HNRNPC: variants seen among roughly 807,000 people sequenced by gnomAD.
The protein encoded by HNRNPC is heterogeneous nuclear ribonucleoproteins C1/C2.
A neutral mutation model predicts 33.2 loss-of-function variants in HNRNPC; 3 were observed. The observed-to-expected ratio is 0.09, with a 90% CI of 0.04 to 0.23. The LOEUF is 0.23. Among genes scored for constraint, HNRNPC ranks in the 10% least tolerant of loss-of-function variants. The probability of loss-of-function intolerance (pLI) is 1.00; values close to 1 mark genes in which losing one functional copy is unlikely to be tolerated. For missense variants in HNRNPC, 143 were observed against 366.7 expected (o/e 0.39, Z 4.98); for synonymous variants, 121 against 126.7 (o/e 0.96, Z 0.30).
intron 2 of HNRNPC, among the ~76,000 whole-genome samples, chr14:21,246,010 T>G (rs1276337523): frequency 2.6e-5 from 4 of 152,028 alleles, no homozygotes; most frequent in Admixed American, 2.0e-4. Flanking sequence ...CACGCCTGAC[T>G]ACGGGGTTTG....
chr14:21,230,432 G>T, intron 4 of HNRNPC, 66 bp from the exon 5 acceptor site: 1 of 1,168,266 alleles, frequency 8.6e-7, no homozygotes, highest in Non-Finnish European at 1.3e-6. Flanking sequence ...TGTCAGGTGA[G>T]GGGAGAACCA....
chr14:21,250,542 A>T (rs909679796), intron 2 of HNRNPC, among the ~76,000 whole-genome samples: 2 of 152,224 alleles, frequency 1.3e-5, no homozygotes, highest in African/African-American at 2.4e-5. Flanking sequence ...TATGATCTGC[A>T]TTAAGAGTTC....
At position 21,253,312 on chromosome 14, in the gene HNRNPC, TA is replaced by T. The variant is rs369876564; in HGVS notation, c.-37+9998del. 8.5e-3 allele frequency among the ~76,000 whole-genome samples: 1,136 copies of T among 132,982 alleles called. 3 individuals are homozygous for T. Among genetic ancestry groups the T allele is most frequent in the African/African-American group, 0.02 (705 of 35,552 alleles). The allele number at this position is 132,982 out of a possible 152,430, so 87.2% of individuals were successfully genotyped here. On this transcript the variant is annotated intron_variant, in intron 2 of 8. Coordinates refer to ENST00000553300, the MANE Select transcript of HNRNPC (RefSeq NM_004500.4). The stretch of plus-strand genomic sequence containing the variant: ...CAATATGGTGAAACCCCATCTCTAC[TA>T]AAAAAAAAAAAAAATACAAAAAATT...
intron 2 of HNRNPC, among the ~76,000 whole-genome samples, chr14:21,236,158 C>A (rs1246521219): frequency 6.6e-6 from 1 of 152,056 alleles, no homozygotes; most frequent in African/African-American, 2.4e-5. Context: ...GGCCTTAATT[C>A]TCTCAAAGAT....
At chr14:21,255,456 T>C (rs1203245430) in intron 2 of HNRNPC, among the ~76,000 whole-genome samples, 1 of 152,244 alleles carries the variant, frequency 6.6e-6, no homozygotes, top group Admixed American at 6.5e-5. Context: ...TCCCAAATGT[T>C]GATACAGGCA....
At chr14:21,254,187 T>C (rs1594313598) in intron 2 of HNRNPC, among the ~76,000 whole-genome samples, 1 of 152,274 alleles carries the variant, frequency 6.6e-6, no homozygotes, top group East Asian at 1.9e-4. Context: ...ACTGTAGTTT[T>C]GACTGTCCAA....
At chr14:21,242,477 C>T (rs1895470356) in intron 2 of HNRNPC, among the ~76,000 whole-genome samples, 1 of 152,282 alleles carries the variant, frequency 6.6e-6, no homozygotes, top group South Asian at 2.1e-4. Context: ...GTGCAAGACT[C>T]CGTCTCAAAA....
intron 3 of HNRNPC, among the ~76,000 whole-genome samples, chr14:21,232,010 G>A (rs1408233230): frequency 6.6e-6 from 1 of 152,018 alleles, no homozygotes; most frequent in Non-Finnish European, 1.5e-5. Context: ...AAATATCCTG[G>A]GTTAACGACT....
At chr14:21,238,710 TTTC>T (rs1197916433) in intron 2 of HNRNPC, among the ~76,000 whole-genome samples, 3 of 152,108 alleles carry the variant, frequency 2.0e-5, no homozygotes, top group African/African-American at 7.2e-5. Context: ...GTCTAGAATT[TTTC>T]TTTTTTTAAT....
chr14:21,260,063 A>C (rs1242926150), intron 2 of HNRNPC, among the ~76,000 whole-genome samples: 1 of 127,648 alleles, frequency 7.8e-6, no homozygotes, highest in Non-Finnish European at 1.6e-5. Context: ...AGCCGGGCGT[A>C]GTGGCGGGCG....
chr14:21,212,818 C>T (rs1009310497), intron 6 of HNRNPC, 142 bp downstream of exon 6: 4 of 1,059,060 alleles, frequency 3.8e-6, no homozygotes, highest in South Asian at 2.9e-5. Context: ...GCTGGGATTA[C>T]AGGCATGAGC....
rs1433294162 is a variant in HNRNPC, at chr14:21,258,503, GTTTAAC to G, written c.-37+4802_-37+4807del. On this transcript the variant is annotated intron_variant, in intron 2 of 8. Transcript: ENST00000553300. ...GAATCCATGCTAAACCACTAAAGCA[GTTTAAC>G]TTTAGGCAAGTTATTTAAATTCTGT... 3.9e-5 allele frequency among the ~76,000 whole-genome samples: 6 copies of G among 152,206 alleles called. No homozygotes were observed. The South Asian group carries it at 1.2e-3, about 32-fold the overall frequency.
chr14:21,246,599 TA>T (rs1299569844), intron 2 of HNRNPC, among the ~76,000 whole-genome samples: 2 of 149,210 alleles, frequency 1.3e-5, no homozygotes, highest in East Asian at 2.0e-4. Flanking sequence ...TTATAACAAA[TA>T]AAAGTCTGCC....
At chr14:21,242,025 C>A (rs958156736) in intron 2 of HNRNPC, among the ~76,000 whole-genome samples, 1 of 152,124 alleles carries the variant, frequency 6.6e-6, no homozygotes, top group Admixed American at 6.6e-5. Flanking sequence ...AAAATTGGAA[C>A]CAACCTCACT....
intron 2 of HNRNPC, among the ~76,000 whole-genome samples, chr14:21,256,035 A>C (rs774432765): frequency 6.6e-6 from 1 of 152,232 alleles, no homozygotes; most frequent in African/African-American, 2.4e-5. Flanking sequence ...GAAGCACAGT[A>C]TATTAACAGC....
At chr14:21,264,586 AAAT>A (rs1377724216) in intron 1 of HNRNPC, 1 of 152,242 alleles carries the variant, frequency 6.6e-6, no homozygotes, top group African/African-American at 2.4e-5. Flanking sequence ...TACCACACTA[AAAT>A]AATTTCCATG....
intron 1 of HNRNPC, 117 bp downstream of exon 1, chr14:21,269,181 C>G (rs1426944748): frequency 6.6e-6 from 1 of 152,184 alleles, no homozygotes; most frequent in Non-Finnish European, 1.5e-5. Context: ...CCAAAACAAG[C>G]AGAATAAATG....
At chr14:21,224,391 CA>C (rs1392272963) in intron 5 of HNRNPC, among the ~76,000 whole-genome samples, 2 of 152,164 alleles carry the variant, frequency 1.3e-5, no homozygotes, top group African/African-American at 4.8e-5. Flanking sequence ...AAACCAGCAG[CA>C]AAATTGCTTG....
At chr14:21,255,742 T>A (rs376100329) in intron 2 of HNRNPC, among the ~76,000 whole-genome samples, 1 of 152,250 alleles carries the variant, frequency 6.6e-6, no homozygotes, top group East Asian at 1.9e-4. Flanking sequence ...AGGCAATCAA[T>A]GTTAATTGTT....
Sources: allele counts gnomAD v4.1 joint callset (sites outside exome capture counted in the v4.1 genomes callset), GRCh38; gene constraint gnomAD v4.1.1; transcripts MANE v1.5; gene names NCBI Gene and HGNC (gene_info 2026-07-23, HGNC 2026-07-21).